MRRF: variants seen among roughly 807,000 people sequenced by gnomAD.
The protein encoded by MRRF is mitochondrial ribosome recycling factor, also known as ribosome-recycling factor, mitochondrial.
Under a neutral mutation model 25.1 loss-of-function variants are expected in MRRF, and 18 were observed. That is an observed-to-expected ratio of 0.72 (90% confidence interval 0.50 to 1.06). The LOEUF (loss-of-function observed/expected upper bound fraction) is 1.06. Ranked by LOEUF, MRRF falls within the 50% of genes least tolerant of loss-of-function variation. MRRF has a pLI of 0.00. For synonymous variants in MRRF, 113 were observed against 112.1 expected (o/e 1.01, Z -0.05); for missense variants, 323 against 319.3 (o/e 1.01, Z -0.09).
rs1832133261 is a variant in MRRF, at chr9:122,266,898, C to G, written c.-29+1960C>G. On this transcript the variant is annotated intron_variant, in intron 1 of 6. Coordinates refer to ENST00000344641, the MANE Select transcript of MRRF (RefSeq NM_138777.5). ...ACCATCCTGGCTAACACGGTGAAAC[C>G]CCGTCTACTAAAAATACAAAAATTA... Among the ~76,000 whole-genome samples the G allele has an allele frequency of 2.0e-5, 3 of 151,258 alleles. No individual in the cohort carries two copies. The South Asian group carries it at 6.3e-4, about 32-fold the overall frequency.
At chr9:122,266,655 T>C (rs1263163264) in intron 1 of MRRF, among the ~76,000 whole-genome samples, 1 of 152,206 alleles carries the variant, frequency 6.6e-6, no homozygotes, top group African/African-American at 2.4e-5. Context: ...TACAGCTGCA[T>C]TGAAAAGAGT....
intron 5 of MRRF, among the ~76,000 whole-genome samples, chr9:122,297,388 A>G (rs1046493922): frequency 2.0e-5 from 3 of 152,108 alleles, no homozygotes; most frequent in Admixed American, 6.5e-5. Context: ...ATTTTTTCCA[A>G]TGCAAAGTCA....
chr9:122,310,723 T>C (rs2118952041), intron 5 of MRRF, among the ~76,000 whole-genome samples: 1 of 152,304 alleles, frequency 6.6e-6, no homozygotes, highest in Admixed American at 6.5e-5. Flanking sequence ...CGTAGGAGGC[T>C]CAGTCAGTGC....
rs532340110 is a variant in MRRF at position 122,288,264 on chromosome 9, G to A, written c.459+2977G>A. Among the ~76,000 whole-genome samples, 5 of 152,174 alleles carry A rather than the reference G, an allele frequency of 3.3e-5. No individual in the cohort carries two copies. The South Asian group carries it at 6.2e-4, about 19-fold the overall frequency. On this transcript the variant is annotated intron_variant, in intron 4 of 6. Transcript: ENST00000344641. ...AAAAAAAATAAAAATAAAAAACCAC[G>A]CACAACTCTGCAGGCACCATTATTG...
In MRRF at chr9:122,285,018, T is replaced by A. The variant is rs114601489; in HGVS notation, c.341-151T>A. On this transcript the variant is annotated intron_variant, in intron 3 of 6. Coordinates refer to ENST00000344641, the MANE Select transcript of MRRF (RefSeq NM_138777.5). ...TTTGCGCAGGTTGGTCTCAAACTAC[T>A]GCCCTCAAGCATTCCTCCCACTTCA... The A allele has an allele frequency of 1.8e-3, 1,252 of 677,042 alleles. 7 individuals carry two copies. The highest frequency in any genetic ancestry group is 0.018 in the African/African-American group (988 of 56,022). The allele number at this position is 677,042 out of a possible 1,614,324, so 41.9% of individuals were successfully genotyped here.
At chr9:122,292,547 AAGCC>A (rs1431890300) in intron 5 of MRRF, among the ~76,000 whole-genome samples, 1 of 152,190 alleles carries the variant, frequency 6.6e-6, no homozygotes, top group African/African-American at 2.4e-5. Context: ...AGAAAGAAAA[AAGCC>A]AGTGTGTGTG....
intron 5 of MRRF, among the ~76,000 whole-genome samples, chr9:122,294,211 A>G (rs1397552563): frequency 6.6e-6 from 1 of 152,200 alleles, no homozygotes. Flanking sequence ...CTGTGGGGCT[A>G]TGAATTTGTG....
At chr9:122,321,043 A>G (rs974370638) in intron 6 of MRRF, among the ~76,000 whole-genome samples, 8 of 152,202 alleles carry the variant, frequency 5.3e-5, no homozygotes, top group African/African-American at 1.9e-4. Flanking sequence ...TTATTCACTT[A>G]GTGTGTTTTT....
rs1564522615 is a variant in MRRF at position 122,325,685 on chromosome 9, T to TGTGTGTGTGTGTGTGTGTGTGTG, written c.*3068_*3069insGTGTGTGTGTGTGTGTGTGTGTG. 4.2e-5 allele frequency: 5 copies of TGTGTGTGTGTGTGTGTGTGTGTG among 119,084 alleles called. No homozygotes were observed. The highest frequency in any genetic ancestry group is 1.6e-4 in the African/African-American group (5 of 30,878). 7.4% of individuals were successfully genotyped at this position (119,084 alleles called of 1,614,324 possible). ...GTGTGTGTGTGTGTGTGTGTGTGTG[T>TGTGTGTGTGTGTGTGTGTGTGTG]TGGAAATTACAAAATAAGTTGGAAT... On this transcript the variant is annotated 3_prime_UTR_variant, in exon 7 of 7. Coordinates refer to ENST00000344641, the MANE Select transcript of MRRF (RefSeq NM_138777.5).
intron 4 of MRRF, among the ~76,000 whole-genome samples, chr9:122,288,241 AAAAAAT>A (rs1400334744): frequency 2.0e-5 from 3 of 149,784 alleles, no homozygotes; most frequent in East Asian, 4.1e-4. Flanking sequence ...GCCAAATGAA[AAAAAAT>A]AAAAATAAAA....
chr9:122,286,221 A>G, intron 4 of MRRF: 1 of 1,285,228 alleles, frequency 7.8e-7, no homozygotes, highest in Non-Finnish European at 1.0e-6. Context: ...TTCCAAAGTC[A>G]TAGACCAAGG....
intron 5 of MRRF, among the ~76,000 whole-genome samples, chr9:122,299,014 C>T (rs1834268619): frequency 6.6e-6 from 1 of 151,970 alleles, no homozygotes; most frequent in Admixed American, 6.5e-5. Context: ...AGTGCAAAGG[C>T]CCTGAGGTGG....
At chr9:122,308,047 C>T (rs1171023316) in intron 5 of MRRF, among the ~76,000 whole-genome samples, 1 of 152,164 alleles carries the variant, frequency 6.6e-6, no homozygotes, top group African/African-American at 2.4e-5. Flanking sequence ...GGAACATGCT[C>T]AAGGAATTTT....
chr9:122,297,088 G>T (rs931796305), intron 5 of MRRF, among the ~76,000 whole-genome samples: 1 of 152,184 alleles, frequency 6.6e-6, no homozygotes, highest in Non-Finnish European at 1.5e-5. Flanking sequence ...GCCGAGGCAG[G>T]CAGATCACAA....
At chr9:122,275,345 G>A (rs979591338) in intron 2 of MRRF, among the ~76,000 whole-genome samples, 4 of 151,806 alleles carry the variant, frequency 2.6e-5, no homozygotes, top group Admixed American at 6.6e-5. Flanking sequence ...TGTAGATTCC[G>A]CATGTGGTTA....
chr9:122,318,247 C>T (rs1835662801), intron 6 of MRRF, among the ~76,000 whole-genome samples: 1 of 152,144 alleles, frequency 6.6e-6, no homozygotes, highest in Non-Finnish European at 1.5e-5. Flanking sequence ...TCCCAACCCG[C>T]ATTCCAGGCA....
At chr9:122,309,412 C>T (rs972296107) in intron 5 of MRRF, among the ~76,000 whole-genome samples, 1 of 152,132 alleles carries the variant, frequency 6.6e-6, no homozygotes, top group African/African-American at 2.4e-5. Context: ...TCTTTCTATA[C>T]TATCACCTTT....
chr9:122,286,244 T>C, intron 4 of MRRF: 1 of 1,260,304 alleles, frequency 7.9e-7, no homozygotes, highest in South Asian at 1.3e-5. Flanking sequence ...GGACCTGTTG[T>C]ATTTGACAAA....
intron 2 of MRRF, among the ~76,000 whole-genome samples, chr9:122,274,583 C>T (rs900096864): frequency 8.4e-6 from 1 of 119,672 alleles, no homozygotes; most frequent in Non-Finnish European, 1.8e-5. Flanking sequence ...TGTAGGTAGA[C>T]TTTAAATCAT....
Sources: allele counts gnomAD v4.1 joint callset (sites outside exome capture counted in the v4.1 genomes callset), GRCh38; gene constraint gnomAD v4.1.1; transcripts MANE v1.5; gene names NCBI Gene and HGNC (gene_info 2026-07-23, HGNC 2026-07-21).